HCFC2: variants seen among roughly 807,000 people sequenced by gnomAD.
HCFC2 encodes the protein host cell factor 2.
In HCFC2, 18 loss-of-function variants were observed where a neutral mutation model predicts 89.2. That is an observed-to-expected ratio of 0.20 (90% CI 0.14 to 0.30). The LOEUF is 0.30. Among genes scored for constraint, HCFC2 ranks in the 10% least tolerant of loss-of-function variants. HCFC2 has a pLI of 1.00. For missense variants in HCFC2, 578 were observed against 956.1 expected, an observed-to-expected ratio of 0.60 and a Z score of 5.21; for synonymous variants, 308 against 335.7, an observed-to-expected ratio of 0.92 and a Z score of 0.90.
At chr12:104,080,549 T>A in intron 4 of HCFC2, 197 bp from the exon 5 acceptor site, 1 of 402,190 alleles carries the variant, frequency 2.5e-6, no homozygotes, top group South Asian at 3.0e-5. Flanking sequence ...GGGCTAACTG[T>A]ACTAACATTA....
At chr12:104,077,550 G>GTTTTTT (rs202233502) in intron 3 of HCFC2, among the ~76,000 whole-genome samples, 1 of 133,440 alleles carries the variant, frequency 7.5e-6, no homozygotes, top group Admixed American at 7.4e-5. Context: ...CCCCTGGCCT[G>GTTTTTT]TTTTTTTTTT....
intron 7 of HCFC2, among the ~76,000 whole-genome samples, chr12:104,083,337 C>G (rs1883739739): frequency 6.6e-6 from 1 of 152,080 alleles, no homozygotes; most frequent in South Asian, 2.1e-4. Context: ...GAGAAAACAT[C>G]AACAAGCCCA....
Position 104,104,827 on chromosome 12 carries a change from TA to T in HCFC2, c.*1558del, listed in dbSNP as rs1193356099. The T allele has an allele frequency of 6.6e-6, 1 of 152,040 alleles. No individual in the cohort carries two copies. The highest frequency in any genetic ancestry group is 6.5e-5 in the Admixed American group (1 of 15,268). 9.4% of individuals were successfully genotyped at this position (152,040 alleles called of 1,614,324 possible). A position where few individuals can be genotyped will look rare whatever the true frequency, so the allele number is the denominator to read the frequency against. ...ATGAGTGGTTTCCAAACTCTAAAGA[TA>T]AAATAAATGCACTACTATGGTGTTG... On this transcript the variant is annotated 3_prime_UTR_variant, in exon 15 of 15. Coordinates refer to ENST00000229330, the MANE Select transcript of HCFC2 (RefSeq NM_013320.3).
Position 104,064,983 on chromosome 12 carries a change from C to T in HCFC2, c.163+260C>T. ...CTTCAGGCGGGGGATCCCGGACGCCCCCACCCCAGCCCGACAGGCGGACGC... is the reference window on the plus strand; with the variant it reads ...CTTCAGGCGGGGGATCCCGGACGCCTCCACCCCAGCCCGACAGGCGGACGC... On this transcript the variant is annotated intron_variant, in intron 1 of 14. Coordinates refer to ENST00000229330, the MANE Select transcript of HCFC2 (RefSeq NM_013320.3). The surrounding 1 kb of genome is among the most constrained non-coding windows in gnomAD (Gnocchi z 7.3). 1 of 364,200 alleles carries T rather than the reference C, an allele frequency of 2.7e-6. No homozygotes were observed. The allele number at this position is 364,200 out of a possible 1,614,324, so 22.6% of individuals were successfully genotyped here. A position where few individuals can be genotyped will look rare whatever the true frequency, so the allele number is the denominator to read the frequency against.
intron 3 of HCFC2, among the ~76,000 whole-genome samples, 168 bp from the exon 4 acceptor site, chr12:104,079,277 A>G (rs978912993): frequency 2.6e-5 from 4 of 152,310 alleles, no homozygotes; most frequent in Admixed American, 1.3e-4. Flanking sequence ...GTAGTGTTTG[A>G]TAAGTATGTA....
Position 104,064,876 on chromosome 12 carries a change from G to A in HCFC2, c.163+153G>A. The A allele has an allele frequency of 1.3e-5, 8 of 612,366 alleles. No homozygotes were observed. The highest frequency in any genetic ancestry group is 2.0e-5 in the Non-Finnish European group (8 of 394,082). The allele number at this position is 612,366 out of a possible 1,614,324, so 37.9% of individuals were successfully genotyped here. A position where few individuals can be genotyped will look rare whatever the true frequency, so the allele number is the denominator to read the frequency against. ...AGCGCGGCTCAGCCGGGCAGCCCGG[G>A]TCCGGCAGCTCTGTCCCGGACCGCA... On this transcript the variant is annotated intron_variant, in intron 1 of 14. Transcript: ENST00000229330. This position sits in a 1 kb window ranked among gnomAD's most constrained non-coding sequence, Gnocchi z 7.3.
chr12:104,073,695 C>G (rs541682093), intron 3 of HCFC2, among the ~76,000 whole-genome samples: 8 of 152,134 alleles, frequency 5.3e-5, no homozygotes, highest in Admixed American at 2.0e-4. Flanking sequence ...TACTTCTTTT[C>G]CTAGTTGATT....
intron 12 of HCFC2, chr12:104,097,496 CT>C (rs11325181): frequency 0.15 from 24,245 of 163,416 alleles, 1,773 homozygotes; most frequent in South Asian, 0.22. Flanking sequence ...AAAGCTATTA[CT>C]TTTTTTTTTA....
rs745747989 is a variant in HCFC2, at chr12:104,095,446, G to A, written c.1549G>A (p.Val517Ile). ...TCCTGAAACATCTGTATCCAGTACT[G>A]TTTCCAGCACACAAACTATGGTAAC... The part of the protein sequence containing the change: ...VIPETSVSST[V>I]SSTQTMVTQQ... The change falls in exon 11 of 15, where the codon GTT (valine) becomes ATT (isoleucine). Residue 517 changes from valine (V) to isoleucine (I), a missense_variant. This residue lies in a region of HCFC2 where 210 missense variants were observed against 251.7 expected (regional missense o/e 0.83). Transcript: ENST00000229330. The surrounding 1 kb of genome is among the most constrained non-coding windows in gnomAD (Gnocchi z 4.2). 1.9e-6 allele frequency: 3 copies of A among 1,613,716 alleles called. No homozygotes were observed. Among genetic ancestry groups the A allele is most frequent in the Non-Finnish European group, 2.5e-6 (3 of 1,179,764 alleles).
intron 9 of HCFC2, 73 bp downstream of exon 9, chr12:104,088,111 A>G (rs1883920300): frequency 9.8e-7 from 1 of 1,015,778 alleles, no homozygotes; most frequent in Admixed American, 2.0e-5. Context: ...GATATTTAGC[A>G]TACTACTACT....
intron 13 of HCFC2, 76 bp from the exon 14 acceptor site, chr12:104,101,892 A>G: frequency 1.0e-6 from 1 of 956,158 alleles, no homozygotes; most frequent in South Asian, 3.2e-5. Context: ...TTTGTTTAAT[A>G]AAAATTGAAT....
chr12:104,080,699 T>G (rs1883658736), intron 4 of HCFC2, 47 bp from the exon 5 acceptor site: 1 of 1,139,818 alleles, frequency 8.8e-7, no homozygotes, highest in Non-Finnish European at 1.3e-6. Flanking sequence ...TTGAGGTAAT[T>G]TACTCTTGTT....
At chr12:104,066,911 C>T (rs1264901506) in intron 2 of HCFC2, among the ~76,000 whole-genome samples, 1 of 152,208 alleles carries the variant, frequency 6.6e-6, no homozygotes, top group African/African-American at 2.4e-5. Context: ...CCTCAGCCTC[C>T]TGAGTAGCTG....
intron 13 of HCFC2, among the ~76,000 whole-genome samples, chr12:104,099,535 A>G (rs1884278891): frequency 6.6e-6 from 1 of 152,052 alleles, no homozygotes; most frequent in African/African-American, 2.4e-5. Context: ...CAGGAGTTTG[A>G]GACTGCAGTG....
Position 104,079,644 on chromosome 12 carries a change from C to G in HCFC2, c.673C>G (p.Leu225Val). 1 of 1,612,608 alleles carries G rather than the reference C, an allele frequency of 6.2e-7. No individual in the cohort carries two copies. The highest frequency in any genetic ancestry group is 8.5e-7 in the Non-Finnish European group (1 of 1,178,940). ...CGARLDDLWQ[L>V]DLETMSWSKP... ...TGCTCGCCTGGATGACCTATGGCAG[C>G]TTGACTTAGGTAAGTTTAACTTGAT... Residue 225 changes from leucine to valine, a missense_variant, in exon 4 of 15, where the codon CTT (leucine) becomes GTT (valine). By Grantham distance (32) the Leu-to-Val change is conservative. Transcript: ENST00000229330.
chr12:104,070,279 TG>T (rs1883280972), intron 3 of HCFC2, among the ~76,000 whole-genome samples: 1 of 152,136 alleles, frequency 6.6e-6, no homozygotes, highest in African/African-American at 2.4e-5. Context: ...CTGCCCACCT[TG>T]GCCTCCCAAA....
At chr12:104,083,137 A>G (rs1171653320) in intron 7 of HCFC2, among the ~76,000 whole-genome samples, 1 of 152,234 alleles carries the variant, frequency 6.6e-6, no homozygotes, top group Non-Finnish European at 1.5e-5. Context: ...AAGGGAAAAT[A>G]GTAGCTTTAC....
rs1386269875 is a variant in HCFC2, at chr12:104,093,551, A to C, written c.1450A>C (p.Arg484=). ...TAATAGTCATGTGGTGGATATGCTA[A>C]GGAAAAATGAAGGTATATGGATGAC... is the stretch of plus-strand genomic sequence containing the variant. ...NHNSHVVDML[R]KNEGPHTSAN... Residue 484 remains arginine, a synonymous_variant, in exon 10 of 15, where the codon AGG becomes CGG. Coordinates refer to ENST00000229330, the MANE Select transcript of HCFC2 (RefSeq NM_013320.3). 6.2e-7 allele frequency: 1 copy of C among 1,608,636 alleles called. No individual in the cohort carries two copies. Among genetic ancestry groups the C allele is most frequent in the African/African-American group, 1.3e-5 (1 of 74,776 alleles).
chr12:104,081,020 C>T (rs1223155851), intron 5 of HCFC2, among the ~76,000 whole-genome samples, 190 bp downstream of exon 5: 2 of 152,196 alleles, frequency 1.3e-5, no homozygotes, highest in African/African-American at 4.8e-5. Context: ...TTCTTATGCT[C>T]TCTCTTTTAC....
Sources: gnomAD v4.1 joint callset for allele counts (sites outside exome capture counted in the v4.1 genomes callset) on GRCh38, gnomAD v4.1.1 for gene constraint, gnomAD v4.1.1 regional missense constraint, Gnocchi (gnomAD v3.1) non-coding constraint, MANE v1.5 for transcripts, NCBI Gene and HGNC (gene_info 2026-07-23, HGNC 2026-07-21) for gene names.